Variants in KIAA0586 observed in about 807,000 individuals in gnomAD.
The protein encoded by KIAA0586 is KIAA0586.
Under a neutral mutation model 169.8 loss-of-function variants are expected in KIAA0586, and 144 were observed. That is an observed-to-expected ratio of 0.85 (90% CI 0.74 to 0.97). The LOEUF is 0.97. Among genes scored for constraint, KIAA0586 ranks in the 50% least tolerant of loss-of-function variants. The pLI, the probability that KIAA0586 is intolerant of heterozygous loss-of-function variation, is 0.00. For synonymous variants in KIAA0586, 625 were observed against 612.4 expected (o/e 1.02, Z -0.30); for missense variants, 1,854 against 1,823.0 (o/e 1.02, Z -0.31).
At chr14:58,559,323 T>C in the KIAA0586 span, among the ~76,000 whole-genome samples, 1 of 152,230 alleles carries the variant, frequency 6.6e-6, no homozygotes, top group Admixed American at 6.5e-5. Context: ...GGATACTTGT[T>C]CTGACCTCCA....
chr14:58,458,340 C>T, intron 11 of KIAA0586, 133 bp from the exon 12 acceptor site: 1 of 618,396 alleles, frequency 1.6e-6, no homozygotes, highest in South Asian at 2.1e-5. Context: ...TTCTACTATC[C>T]TAATATCCTT....
At chr14:58,546,580 A>G (rs1467483808) in intron 30 of KIAA0586, among the ~76,000 whole-genome samples, 1 of 152,246 alleles carries the variant, frequency 6.6e-6, no homozygotes, top group African/African-American at 2.4e-5. Context: ...TGGTAAATCC[A>G]TGAAATTTTA....
chr14:58,512,331 G>A (rs187099343), intron 28 of KIAA0586, among the ~76,000 whole-genome samples, 191 bp from the exon 29 acceptor site: 5 of 151,552 alleles, frequency 3.3e-5, no homozygotes, highest in Admixed American at 6.6e-5. Flanking sequence ...TTTTTGCAAC[G>A]TCTTTTCTTT....
rs748633325 is a variant in KIAA0586 at position 58,450,641 on chromosome 14, G to A, written c.1024G>A (p.Ala342Thr). 7 of 1,610,808 alleles carry A rather than the reference G, an allele frequency of 4.3e-6. No homozygotes were observed. The highest frequency in any genetic ancestry group is 1.3e-5 in the African/African-American group (1 of 74,852). The change falls in exon 8 of 31, where the codon GCA (alanine) becomes ACA (threonine). Residue 342 changes from alanine to threonine, a missense_variant. Physicochemically the swap from Ala to Thr is moderately conservative, Grantham distance 58. Coordinates refer to ENST00000652326, the MANE Select transcript of KIAA0586 (RefSeq NM_001329943.3). Reference protein sequence around the residue: ...DKQKSPLETPAPRRFAPVPVS... With the variant: ...DKQKSPLETPTPRRFAPVPVS... Reference sequence around the variant, plus strand: ...ACAGAAATCTCCTTTGGAGACACCAGCACCTCGCAGATTTGCTCCTGTACC... The same window carrying A: ...ACAGAAATCTCCTTTGGAGACACCAACACCTCGCAGATTTGCTCCTGTACC...
intron 30 of KIAA0586, 43 bp from the exon 31 acceptor site, chr14:58,547,738 C>A: frequency 1.4e-6 from 2 of 1,437,992 alleles, no homozygotes; most frequent in Non-Finnish European, 1.9e-6. Context: ...CGTAAATACT[C>A]AGGTTACGCA....
At chr14:58,532,039 G>A (rs1331857691) in intron 29 of KIAA0586, among the ~76,000 whole-genome samples, 2 of 151,902 alleles carry the variant, frequency 1.3e-5, no homozygotes, top group African/African-American at 4.8e-5. Context: ...CTGTCGGGGG[G>A]TGGGGGATAG....
At chr14:58,505,194 TTTTA>T (rs1195324008) in intron 27 of KIAA0586, among the ~76,000 whole-genome samples, 43 of 152,224 alleles carry the variant, frequency 2.8e-4, no homozygotes, top group African/African-American at 1.0e-3. Flanking sequence ...ATTGCCATTA[TTTTA>T]CAACTTAAGA....
chr14:58,529,486 C>T (rs1185292898), intron 29 of KIAA0586, among the ~76,000 whole-genome samples: 2 of 152,168 alleles, frequency 1.3e-5, no homozygotes, highest in Non-Finnish European at 2.9e-5. Context: ...AATCCAGCAG[C>T]ACATGAAAAA....
At chr14:58,464,187 A>G (rs117366261) in intron 14 of KIAA0586, 10,737 of 344,468 alleles carry the variant, frequency 0.031, 250 homozygotes, top group Non-Finnish European at 0.038. Context: ...TAATTTATAT[A>G]ATGGAATCTG....
chr14:58,559,285 C>T, the KIAA0586 span, among the ~76,000 whole-genome samples: 1 of 152,194 alleles, frequency 6.6e-6, no homozygotes, highest in African/African-American at 2.4e-5. Flanking sequence ...GATTTTTCTG[C>T]TCAATTTTTA....
intron 4 of KIAA0586, among the ~76,000 whole-genome samples, chr14:58,434,948 C>T (rs1351736012): frequency 6.6e-6 from 1 of 152,006 alleles, no homozygotes; most frequent in African/African-American, 2.4e-5. Context: ...GCCACCACAT[C>T]CAGCTAACTT....
chr14:58,498,725 T>A (rs2043339732), intron 26 of KIAA0586, 58 bp from the exon 27 acceptor site: 1 of 1,461,528 alleles, frequency 6.8e-7, no homozygotes, highest in African/African-American at 1.4e-5. Flanking sequence ...GGCAAAGATT[T>A]CCTGTTTTGA....
At chr14:58,493,635 A>G (rs1463763176) in intron 26 of KIAA0586, among the ~76,000 whole-genome samples, 2 of 152,184 alleles carry the variant, frequency 1.3e-5, no homozygotes. Flanking sequence ...AAATTTAGTA[A>G]TGGGAAAAAA....
At chr14:58,543,089 G>T (rs184571515) in intron 30 of KIAA0586, among the ~76,000 whole-genome samples, 1 of 142,296 alleles carries the variant, frequency 7.0e-6, no homozygotes, top group East Asian at 2.0e-4. Flanking sequence ...CCAAGATTGC[G>T]CCACTGCACT....
At position 58,527,793 on chromosome 14, in the gene KIAA0586, G is replaced by A. The variant is rs140329148; in HGVS notation, c.4430-12278G>A. ...ACCATTGACACTATGAAGAAACTGCGTCAACTAATGGGCAAAATAACCAGC... is the reference window on the plus strand; with the variant it reads ...ACCATTGACACTATGAAGAAACTGCATCAACTAATGGGCAAAATAACCAGC... On this transcript the variant is annotated intron_variant, in intron 29 of 30. Coordinates refer to ENST00000652326, the MANE Select transcript of KIAA0586 (RefSeq NM_001329943.3). Among the ~76,000 whole-genome samples, 81 of 152,206 alleles carry A rather than the reference G, an allele frequency of 5.3e-4. 1 individual carries two copies. The East Asian group carries it at 0.014, about 26-fold the overall frequency.
intron 20 of KIAA0586, among the ~76,000 whole-genome samples, chr14:58,479,327 G>A (rs577420449): frequency 1.2e-3 from 179 of 152,150 alleles, no homozygotes; most frequent in African/African-American, 4.2e-3. Flanking sequence ...ATTTACTTTG[G>A]TGAAATCTCT....
At position 58,487,126 on chromosome 14, in the gene KIAA0586, T is replaced by C. The variant is rs958980298; in HGVS notation, c.3264T>C (p.His1088=). The C allele has an allele frequency of 6.2e-7, 1 of 1,613,622 alleles. No homozygotes were observed. Among genetic ancestry groups the C allele is most frequent in the African/African-American group, 1.3e-5 (1 of 75,052 alleles). ...TPDSSPCDSD[H]DMAFPVKEIC... ...ATTCTTCTCCCTGTGATTCGGATCA[T>C]GATATGGCTTTTCCTGTGAAAGAAA... The change falls in exon 22 of 31, where the codon CAT becomes CAC. Residue 1088 remains histidine (H), a synonymous_variant. Transcript: ENST00000652326.
chr14:58,528,172 C>A (rs1402823659), intron 29 of KIAA0586, among the ~76,000 whole-genome samples: 2 of 152,186 alleles, frequency 1.3e-5, no homozygotes, highest in Admixed American at 6.5e-5. Flanking sequence ...AATATATATG[C>A]ACCCAATACA....
At chr14:58,434,441 T>C (rs2140441869) in intron 4 of KIAA0586, among the ~76,000 whole-genome samples, 1 of 152,324 alleles carries the variant, frequency 6.6e-6, no homozygotes, top group African/African-American at 2.4e-5. Context: ...TGAAAAATTT[T>C]AAGAAACAGA....
Sources: gnomAD v4.1 joint callset for allele counts (sites outside exome capture counted in the v4.1 genomes callset) on GRCh38, gnomAD v4.1.1 for gene constraint, MANE v1.5 for transcripts, NCBI Gene and HGNC (gene_info 2026-07-23, HGNC 2026-07-21) for gene names.